PDE3A: variants seen among roughly 807,000 people sequenced by gnomAD.
The protein encoded by PDE3A is cGMP-inhibited 3',5'-cyclic phosphodiesterase 3A.
Under a neutral mutation model 98.3 loss-of-function variants are expected in PDE3A, and 43 were observed. The ratio of observed to expected loss-of-function variants is 0.44; its 90% CI spans 0.34 to 0.56. The LOEUF (loss-of-function observed/expected upper bound fraction) is 0.56. PDE3A is among the 20% of genes least tolerant of loss of function. The probability of loss-of-function intolerance (pLI) is 0.01; values close to 1 mark genes in which losing one functional copy is unlikely to be tolerated. For missense variants in PDE3A, 1,427 were observed against 1,440.7 expected (o/e 0.99, Z 0.15); for synonymous variants, 663 against 567.9 (o/e 1.17, Z -2.38).
intron 1 of PDE3A, among the ~76,000 whole-genome samples, chr12:20,445,632 A>G (rs10841529): frequency 0.34 from 51,240 of 152,082 alleles, 9,122 homozygotes; most frequent in Non-Finnish European, 0.39. Context: ...AAAGTTAACA[A>G]AATTTTGGAA....
chr12:20,383,809 A>G lies in PDE3A; in HGVS notation c.960+13565A>G, dbSNP rs562656450. On this transcript the variant is annotated intron_variant, in intron 1 of 15. Coordinates refer to ENST00000359062, the MANE Select transcript of PDE3A (RefSeq NM_000921.5). ...CACATAGGCCATGAGGGGTCACTGC[A>G]AGACTCGTTCTGAGGCAGATGGGAT... Among the ~76,000 whole-genome samples, 4 of 152,102 alleles carry G rather than the reference A, an allele frequency of 2.6e-5. No individual in the cohort carries two copies. The South Asian group carries it at 8.3e-4, about 32-fold the overall frequency.
intron 2 of PDE3A, among the ~76,000 whole-genome samples, chr12:20,563,880 A>G (rs1330440126): frequency 6.6e-6 from 1 of 152,136 alleles, no homozygotes; most frequent in Non-Finnish European, 1.5e-5. Context: ...GTTCTGCACT[A>G]TTGGACAATT....
intron 1 of PDE3A, among the ~76,000 whole-genome samples, chr12:20,429,624 G>A (rs994693832): frequency 6.6e-6 from 1 of 152,180 alleles, no homozygotes; most frequent in Non-Finnish European, 1.5e-5. Context: ...CTTTAACTTA[G>A]AAGGTAGATA....
At chr12:20,426,449 A>G (rs1471880914) in intron 1 of PDE3A, among the ~76,000 whole-genome samples, 1 of 152,188 alleles carries the variant, frequency 6.6e-6, no homozygotes, top group East Asian at 1.9e-4. Flanking sequence ...GGGAAGTAAC[A>G]TAGTTGACGT....
chr12:20,448,244 A>C (rs1565552575), intron 1 of PDE3A, among the ~76,000 whole-genome samples: 1 of 152,148 alleles, frequency 6.6e-6, no homozygotes, highest in Non-Finnish European at 1.5e-5. Flanking sequence ...TTTCGAGACC[A>C]GCCTGGCCAA....
intron 1 of PDE3A, among the ~76,000 whole-genome samples, chr12:20,447,811 G>T (rs1324806757): frequency 2.0e-5 from 3 of 152,148 alleles, no homozygotes; most frequent in African/African-American, 7.2e-5. Context: ...TAACTGGTTG[G>T]TCGAAATACA....
intron 1 of PDE3A, among the ~76,000 whole-genome samples, chr12:20,505,214 C>CTAGT (rs1307643202): frequency 2.6e-5 from 4 of 152,040 alleles, no homozygotes; most frequent in Non-Finnish European, 5.9e-5. Context: ...ATTCATAATG[C>CTAGT]ATTAGGTCAT....
chr12:20,644,251 A>G (rs1346651740), intron 10 of PDE3A, among the ~76,000 whole-genome samples: 1 of 152,164 alleles, frequency 6.6e-6, no homozygotes, highest in Non-Finnish European at 1.5e-5. Context: ...CAAATCCAGC[A>G]TTGATTCTGG....
intron 2 of PDE3A, among the ~76,000 whole-genome samples, chr12:20,586,204 A>G (rs1010558177): frequency 6.6e-6 from 1 of 152,242 alleles, no homozygotes; most frequent in Admixed American, 6.5e-5. Flanking sequence ...TTTCCTAGGA[A>G]GAGAGAATGG....
intron 1 of PDE3A, among the ~76,000 whole-genome samples, chr12:20,555,135 C>T (rs559221811): frequency 1.1e-3 from 171 of 151,500 alleles, no homozygotes; most frequent in Middle Eastern, 0.01. Flanking sequence ...GCAATTCCCC[C>T]GCCTCAACCT....
chr12:20,440,992 T>C (rs909256692), intron 1 of PDE3A, among the ~76,000 whole-genome samples: 3 of 152,202 alleles, frequency 2.0e-5, no homozygotes, highest in Non-Finnish European at 4.4e-5. Context: ...ATCATACTAA[T>C]AAATTATAAT....
chr12:20,452,991 GT>G (rs2120894060), intron 1 of PDE3A, among the ~76,000 whole-genome samples: 1 of 152,294 alleles, frequency 6.6e-6, no homozygotes, highest in Admixed American at 6.5e-5. Context: ...GATTTAAAGA[GT>G]TTTTTAGCCT....
intron 1 of PDE3A, among the ~76,000 whole-genome samples, chr12:20,432,191 CT>C (rs1267086441): frequency 1.3e-5 from 2 of 152,144 alleles, no homozygotes; most frequent in African/African-American, 4.8e-5. Context: ...TACTTAGATA[CT>C]CTTTTCAATG....
At chr12:20,574,052 A>G (rs1014666035) in intron 2 of PDE3A, among the ~76,000 whole-genome samples, 3 of 152,048 alleles carry the variant, frequency 2.0e-5, no homozygotes, top group Non-Finnish European at 4.4e-5. Flanking sequence ...TGCCAAACCT[A>G]TATAGCTCTT....
At chr12:20,384,639 A>G (rs917995880) in intron 1 of PDE3A, among the ~76,000 whole-genome samples, 1 of 151,962 alleles carries the variant, frequency 6.6e-6, no homozygotes, top group African/African-American at 2.4e-5. Context: ...TCACCTAAGT[A>G]TTAAACCCAG....
intron 15 of PDE3A, among the ~76,000 whole-genome samples, chr12:20,669,967 G>C (rs965420107): frequency 1.8e-3 from 271 of 151,998 alleles, no homozygotes; most frequent in Non-Finnish European, 2.9e-3. Context: ...CTCACGTGCA[G>C]ACACACATAG....
In PDE3A at chr12:20,484,696, A is replaced by AT. The variant is rs532648415; in HGVS notation, c.961-71963dup. ...AGCTCATTTAATTTTTATACGTAGGATAAAACATACACTTTGAAATGGCCT... is the reference window on the plus strand; with the variant it reads ...AGCTCATTTAATTTTTATACGTAGGATTAAAACATACACTTTGAAATGGCCT... On this transcript the variant is annotated intron_variant, in intron 1 of 15. Transcript: ENST00000359062. Among the ~76,000 whole-genome samples, 530 of 152,272 alleles carry AT rather than the reference A, an allele frequency of 3.5e-3. 5 individuals carry two copies. The highest frequency in any genetic ancestry group is 0.012 in the African/African-American group (482 of 41,540).
intron 10 of PDE3A, 44 bp from the exon 11 acceptor site, chr12:20,646,446 C>G (rs1337123541): frequency 9.2e-7 from 1 of 1,081,184 alleles, no homozygotes; most frequent in African/African-American, 1.5e-5. Flanking sequence ...TTCTTGGACC[C>G]CAAAGTTCAT....
intron 1 of PDE3A, among the ~76,000 whole-genome samples, chr12:20,450,871 A>G (rs1286472580): frequency 6.6e-6 from 1 of 152,240 alleles, no homozygotes; most frequent in Middle Eastern, 3.2e-3. Flanking sequence ...TGGGCACCAA[A>G]GAAAAATTGA....
Sources: gnomAD v4.1 joint callset for allele counts (sites outside exome capture counted in the v4.1 genomes callset) on GRCh38, gnomAD v4.1.1 for gene constraint, MANE v1.5 for transcripts, NCBI Gene and HGNC (gene_info 2026-07-23, HGNC 2026-07-21) for gene names.